The following CCDC85A variants were observed in gnomAD, a reference collection of about 807,000 sequenced individuals.
The protein encoded by CCDC85A is coiled-coil domain-containing protein 85A.
CCDC85A carries 38 observed loss-of-function variants against 50.2 expected under a neutral mutation model. The observed-to-expected ratio is 0.76, with a 90% confidence interval of 0.58 to 0.99. The LOEUF (loss-of-function observed/expected upper bound fraction) is 0.99, where lower values mean the gene tolerates loss of function less well. Among genes scored for constraint, CCDC85A ranks in the 50% least tolerant of loss-of-function variants. CCDC85A has a pLI of 0.00. For missense variants in CCDC85A, 820 were observed against 742.0 expected, an observed-to-expected ratio of 1.11 and a Z score of -1.22; for synonymous variants, 366 against 301.4, an observed-to-expected ratio of 1.21 and a Z score of -2.22.
chr2:56,249,927 A>G (rs539491898), intron 2 of CCDC85A, among the ~76,000 whole-genome samples: 7 of 152,294 alleles, frequency 4.6e-5, no homozygotes, highest in African/African-American at 1.7e-4. Context: ...AGGCCCTGCC[A>G]TAGCTATATT....
intron 3 of CCDC85A, among the ~76,000 whole-genome samples, chr2:56,345,118 A>G (rs1181177780): frequency 1.3e-5 from 2 of 152,186 alleles, no homozygotes; most frequent in East Asian, 1.9e-4. Context: ...CAACTACTCA[A>G]TTTAAAGTGT....
At position 56,184,843 on chromosome 2, in the gene CCDC85A, C is replaced by T. The variant is rs917638258; in HGVS notation, c.219C>T (p.Leu73=). Residue 73 remains leucine (L), a synonymous_variant, in exon 1 of 6, where the codon CTC becomes CTT. Transcript: ENST00000407595. ...GCGCGATGCTGGACCACAGCAACCT[C>T]ATCCGCGAGGTGAACCGCCGCCTGC... ...KVSAMLDHSN[L]IREVNRRLQL... 25 of 1,541,020 alleles carry T rather than the reference C, an allele frequency of 1.6e-5. No individual in the cohort carries two copies. The highest frequency in any genetic ancestry group is 2.1e-5 in the Non-Finnish European group (24 of 1,144,820).
chr2:56,337,878 G>C (rs1674155005), intron 2 of CCDC85A, among the ~76,000 whole-genome samples: 1 of 151,220 alleles, frequency 6.6e-6, no homozygotes, highest in Admixed American at 6.6e-5. Flanking sequence ...TCCGCCTCCC[G>C]GGTTCAAGCG....
At chr2:56,351,034 G>A (rs1213809381) in intron 3 of CCDC85A, among the ~76,000 whole-genome samples, 1 of 100,516 alleles carries the variant, frequency 9.9e-6, no homozygotes, top group Admixed American at 1.4e-4. Flanking sequence ...CCCAGAGTGT[G>A]ATGTTCCCCT....
At chr2:56,238,364 C>G (rs887876012) in intron 2 of CCDC85A, among the ~76,000 whole-genome samples, 1 of 150,792 alleles carries the variant, frequency 6.6e-6, no homozygotes. Context: ...TTGCAGTGAT[C>G]CAAGATTGCA....
At chr2:56,201,068 A>ATCTC (rs112301295) in intron 2 of CCDC85A, among the ~76,000 whole-genome samples, 1,317 of 18,394 alleles carry the variant, frequency 0.072, 34 homozygotes, top group African/African-American at 0.1. Flanking sequence ...CAATTATTTC[A>ATCTC]TCTCTCTCCA....
At chr2:56,312,386 A>G (rs1573231542) in intron 2 of CCDC85A, among the ~76,000 whole-genome samples, 2 of 152,272 alleles carry the variant, frequency 1.3e-5, no homozygotes, top group Non-Finnish European at 2.9e-5. Context: ...TGTTTATTAT[A>G]GTGACTCCAG....
At chr2:56,331,286 T>C (rs2216330) in intron 2 of CCDC85A, among the ~76,000 whole-genome samples, 31,866 of 152,060 alleles carry the variant, frequency 0.21, 4,919 homozygotes, top group African/African-American at 0.43. Context: ...GAATACCTAA[T>C]GCATGCAAGG....
At chr2:56,212,043 C>G (rs1677201594) in intron 2 of CCDC85A, among the ~76,000 whole-genome samples, 1 of 152,010 alleles carries the variant, frequency 6.6e-6, no homozygotes, top group Admixed American at 6.6e-5. Flanking sequence ...GCTCATAGAC[C>G]TTATATCCAA....
intron 2 of CCDC85A, among the ~76,000 whole-genome samples, chr2:56,245,140 T>C (rs912385766): frequency 2.0e-5 from 3 of 152,200 alleles, no homozygotes; most frequent in African/African-American, 7.2e-5. Flanking sequence ...CACTAGGACA[T>C]GCCCAGGAGT....
chr2:56,282,805 C>G (rs552212213), intron 2 of CCDC85A, among the ~76,000 whole-genome samples: 2 of 152,192 alleles, frequency 1.3e-5, no homozygotes, highest in East Asian at 3.9e-4. Flanking sequence ...CCACCATTCC[C>G]GGCCATACTT....
Position 56,184,771 on chromosome 2 carries a change from G to A in CCDC85A, c.147G>A (p.Lys49=). ...VSDEELLQWS[K]EELIRSLRRA... ...ACGAGGAGCTGCTGCAGTGGAGCAA[G>A]GAGGAGCTGATCCGCAGCCTGCGGC... The change falls in exon 1 of 6, where the codon AAG becomes AAA. Residue 49 remains lysine (K), a synonymous_variant. Coordinates refer to ENST00000407595, the MANE Select transcript of CCDC85A (RefSeq NM_001080433.2). 1 of 1,546,540 alleles carries A rather than the reference G, an allele frequency of 6.5e-7. No individual in the cohort carries two copies. The highest frequency in any genetic ancestry group is 1.2e-5 in the South Asian group (1 of 83,780).
chr2:56,316,198 C>G (rs999658026), intron 2 of CCDC85A, among the ~76,000 whole-genome samples: 13 of 152,152 alleles, frequency 8.5e-5, no homozygotes. Context: ...GTGGAATCAT[C>G]CTAAGAACTG....
intron 2 of CCDC85A, among the ~76,000 whole-genome samples, chr2:56,323,436 A>T (rs995992705): frequency 1.3e-5 from 2 of 152,032 alleles, no homozygotes; most frequent in African/African-American, 4.8e-5. Context: ...TTTTCAAGAT[A>T]ACTTTGGTGC....
intron 2 of CCDC85A, among the ~76,000 whole-genome samples, chr2:56,284,207 C>A (rs1671326768): frequency 6.6e-6 from 1 of 151,790 alleles, no homozygotes; most frequent in Non-Finnish European, 1.5e-5. Context: ...CTATTGTTTT[C>A]CCATATTATG....
intron 2 of CCDC85A, among the ~76,000 whole-genome samples, chr2:56,198,769 C>A (rs1310748499): frequency 6.6e-6 from 1 of 152,154 alleles, no homozygotes; most frequent in East Asian, 1.9e-4. Flanking sequence ...TCATTTTCAT[C>A]TTTTTCCTAT....
intron 2 of CCDC85A, among the ~76,000 whole-genome samples, chr2:56,236,862 A>G (rs1228864286): frequency 6.6e-6 from 1 of 152,018 alleles, no homozygotes; most frequent in Non-Finnish European, 1.5e-5. Flanking sequence ...TGAATACCCA[A>G]ATGATGCTGA....
intron 5 of CCDC85A, among the ~76,000 whole-genome samples, chr2:56,383,242 C>T (rs1007857279): frequency 2.0e-5 from 3 of 151,860 alleles, no homozygotes; most frequent in South Asian, 4.1e-4. Flanking sequence ...AAAGCAAAAC[C>T]AAACCAAACA....
intron 2 of CCDC85A, among the ~76,000 whole-genome samples, chr2:56,293,322 T>G (rs1206180040): frequency 1.3e-5 from 2 of 152,124 alleles, no homozygotes; most frequent in Non-Finnish European, 2.9e-5. Flanking sequence ...TATACAAAAA[T>G]TAACTCAAGA....
Sources: allele counts gnomAD v4.1 joint callset (sites outside exome capture counted in the v4.1 genomes callset), GRCh38; gene constraint gnomAD v4.1.1; transcripts MANE v1.5; gene names NCBI Gene and HGNC (gene_info 2026-07-23, HGNC 2026-07-21).